Variants in SUV39H2 observed in about 807,000 individuals in gnomAD.
The protein encoded by SUV39H2 is SUV39H2 histone lysine methyltransferase.
Under a neutral mutation model 47.5 loss-of-function variants are expected in SUV39H2, and 10 were observed. The observed-to-expected ratio is 0.21, with a 90% CI of 0.13 to 0.36. The LOEUF (loss-of-function observed/expected upper bound fraction) is 0.36, where lower values mean the gene tolerates loss of function less well. Among genes scored for constraint, SUV39H2 ranks in the 10% least tolerant of loss-of-function variants. The probability of loss-of-function intolerance (pLI) is 1.00; values close to 1 mark genes in which losing one functional copy is unlikely to be tolerated. For synonymous variants in SUV39H2, 159 were observed against 166.8 expected, an observed-to-expected ratio of 0.95 and a Z score of 0.36; for missense variants, 266 against 487.4, an observed-to-expected ratio of 0.55 and a Z score of 4.28.
intron 2 of SUV39H2, 97 bp from the exon 3 acceptor site, chr10:14,896,749 G>T: frequency 1.0e-6 from 1 of 980,662 alleles, no homozygotes; most frequent in South Asian, 1.8e-5. Flanking sequence ...TAAGAAAAAT[G>T]GTATTGGATA....
intron 2 of SUV39H2, among the ~76,000 whole-genome samples, chr10:14,894,186 G>A (rs932857819): frequency 6.6e-6 from 1 of 151,594 alleles, no homozygotes; most frequent in Non-Finnish European, 1.5e-5. Context: ...GGCTTTAGTG[G>A]GGCTCAATTT....
Position 14,904,073 on chromosome 10 carries a change from G to A in SUV39H2, c.*1561G>A, listed in dbSNP as rs1162582697. On this transcript the variant is annotated 3_prime_UTR_variant, in exon 6 of 6. Transcript: ENST00000354919. ...TGATCCCAGCACTTTGGGAGGCTGA[G>A]GTAGGAGGATCACGTGAGGTCGGGA... The A allele has an allele frequency of 6.6e-6, 1 of 152,240 alleles. No individual in the cohort carries two copies. Among genetic ancestry groups the A allele is most frequent in the Non-Finnish European group, 1.5e-5 (1 of 68,080 alleles). The allele number at this position is 152,240 out of a possible 1,614,324, so 9.4% of individuals were successfully genotyped here. A position where few individuals can be genotyped will look rare whatever the true frequency, so the allele number is the denominator to read the frequency against.
At chr10:14,880,539 C>G (rs1833011780) in intron 1 of SUV39H2, among the ~76,000 whole-genome samples, 2 of 152,154 alleles carry the variant, frequency 1.3e-5, no homozygotes, top group African/African-American at 4.8e-5. Context: ...GCTCGGTGAC[C>G]GAGCGATGGG....
intron 2 of SUV39H2, among the ~76,000 whole-genome samples, chr10:14,893,991 A>G (rs1305347523): frequency 1.3e-5 from 2 of 152,244 alleles, no homozygotes; most frequent in African/African-American, 4.8e-5. Flanking sequence ...GCCAAAAAAA[A>G]GAAAAAGGAC....
intron 1 of SUV39H2, 160 bp downstream of exon 1, chr10:14,879,079 C>T (rs1408735769): frequency 7.8e-6 from 10 of 1,288,914 alleles, no homozygotes; most frequent in Non-Finnish European, 9.8e-6. Flanking sequence ...GCCTATCCTC[C>T]CCCAGGCCGC....
chr10:14,887,165 A>G (rs2131678469), intron 2 of SUV39H2, among the ~76,000 whole-genome samples: 1 of 152,324 alleles, frequency 6.6e-6, no homozygotes, highest in East Asian at 1.9e-4. Context: ...CTGTCATAGT[A>G]ACCAGACCAG....
In SUV39H2 at chr10:14,899,456, G is replaced by T. The variant is rs150887083; in HGVS notation, c.850-83G>T. 5,942 of 1,404,722 alleles carry T rather than the reference G, an allele frequency of 4.2e-3. 33 individuals are homozygous for T. The highest frequency in any genetic ancestry group is 4.8e-3 in the Non-Finnish European group (4,906 of 1,016,900). 87.0% of individuals were successfully genotyped at this position (1,404,722 alleles called of 1,614,324 possible). On this transcript the variant is annotated intron_variant, in intron 3 of 5. Coordinates refer to ENST00000354919, the MANE Select transcript of SUV39H2 (RefSeq NM_001193424.2). Reference sequence around the variant, plus strand: ...TTTCTTACTTTTTAAATATTTGTAGGTATTCGCATATTAGTAGATAGGTAG... The same window carrying T: ...TTTCTTACTTTTTAAATATTTGTAGTTATTCGCATATTAGTAGATAGGTAG...
intron 2 of SUV39H2, among the ~76,000 whole-genome samples, chr10:14,886,276 A>T (rs943182205): frequency 8.5e-5 from 13 of 152,194 alleles, no homozygotes; most frequent in African/African-American, 2.9e-4. Flanking sequence ...AATCCTACAC[A>T]GCCTGCACAG....
chr10:14,897,772 A>C (rs1418127177), intron 3 of SUV39H2: 1 of 260,882 alleles, frequency 3.8e-6, no homozygotes, highest in African/African-American at 2.2e-5. Context: ...CTACTAGTCA[A>C]ACCTAGGATT....
rs1834185308 is a variant in SUV39H2 at position 14,903,944 on chromosome 10, C to G, written c.*1432C>G. 6.6e-6 allele frequency: 1 copy of G among 152,170 alleles called. No homozygotes were observed. Among genetic ancestry groups the G allele is most frequent in the South Asian group, 2.1e-4 (1 of 4,830 alleles). The allele number at this position is 152,170 out of a possible 1,614,324, so 9.4% of individuals were successfully genotyped here. ...ATTATATTGCTATGACAACTTCACT[C>G]TTTCATAATATATAGGATAAATTGT... On this transcript the variant is annotated 3_prime_UTR_variant, in exon 6 of 6. Coordinates refer to ENST00000354919, the MANE Select transcript of SUV39H2 (RefSeq NM_001193424.2).
chr10:14,897,109 A>G lies in SUV39H2; in HGVS notation c.441A>G (p.Arg147=). 1 of 1,613,814 alleles carries G rather than the reference A, an allele frequency of 6.2e-7. No individual in the cohort carries two copies. The highest frequency in any genetic ancestry group is 8.5e-7 in the Non-Finnish European group (1 of 1,179,898). ...LQRWQDELNR[R]KNHKGMIFVE... is the part of the protein sequence containing the mutation. Reference sequence around the variant, plus strand: ...GATGGCAAGATGAACTCAACAGAAGAAAGAATCATAAAGGAATGATATTTG... The same window carrying G: ...GATGGCAAGATGAACTCAACAGAAGGAAGAATCATAAAGGAATGATATTTG... The change falls in exon 3 of 6, where the codon AGA becomes AGG. Residue 147 remains arginine (R), a synonymous_variant. Transcript: ENST00000354919.
At chr10:14,892,816 CTTT>C (rs543122499) in intron 2 of SUV39H2, among the ~76,000 whole-genome samples, 14 of 139,466 alleles carry the variant, frequency 1.0e-4, no homozygotes, top group Admixed American at 1.4e-4. Flanking sequence ...GGGGAAATGT[CTTT>C]TTTTTTTTTT....
intron 2 of SUV39H2, among the ~76,000 whole-genome samples, chr10:14,887,420 G>C (rs1243559891): frequency 6.6e-6 from 1 of 152,014 alleles, no homozygotes; most frequent in African/African-American, 2.4e-5. Context: ...TTGGGTTTGG[G>C]GACCCATTTC....
chr10:14,894,843 T>C (rs750676214), intron 2 of SUV39H2, among the ~76,000 whole-genome samples: 15 of 152,172 alleles, frequency 9.9e-5, no homozygotes, highest in African/African-American at 2.9e-4. Flanking sequence ...ATGGCAGATA[T>C]CACATGGCTT....
At chr10:14,880,033 G>C (rs1832997314) in intron 1 of SUV39H2, 1 of 151,306 alleles carries the variant, frequency 6.6e-6, no homozygotes, top group Non-Finnish European at 1.5e-5. Context: ...GAGTAGATAA[G>C]AGGAACCTCC....
rs1588872188 is a variant in SUV39H2, at chr10:14,903,947, T to C, written c.*1435T>C. On this transcript the variant is annotated 3_prime_UTR_variant, in exon 6 of 6. Transcript: ENST00000354919. ...ATATTGCTATGACAACTTCACTCTT[T>C]CATAATATATAGGATAAATTGTTTA... The C allele has an allele frequency of 6.6e-6, 1 of 152,208 alleles. No homozygotes were observed. The highest frequency in any genetic ancestry group is 6.5e-5 in the Admixed American group (1 of 15,284). The allele number at this position is 152,208 out of a possible 1,614,324, so 9.4% of individuals were successfully genotyped here.
intron 5 of SUV39H2, among the ~76,000 whole-genome samples, chr10:14,901,882 C>G (rs1222010031): frequency 6.6e-6 from 1 of 152,026 alleles, no homozygotes; most frequent in Non-Finnish European, 1.5e-5. Flanking sequence ...GATGTATATT[C>G]AAAAGATTGA....
chr10:14,883,243 A>G (rs895232393), intron 2 of SUV39H2, among the ~76,000 whole-genome samples: 1 of 152,140 alleles, frequency 6.6e-6, no homozygotes, highest in African/African-American at 2.4e-5. Context: ...CAGTAAACAC[A>G]TTCAGATCTT....
At chr10:14,883,311 G>T (rs1833099396) in intron 2 of SUV39H2, among the ~76,000 whole-genome samples, 1 of 152,138 alleles carries the variant, frequency 6.6e-6, no homozygotes, top group African/African-American at 2.4e-5. Flanking sequence ...AGTGTTTTCT[G>T]TCTTTTTCTA....
Sources: gnomAD v4.1 joint callset for allele counts (sites outside exome capture counted in the v4.1 genomes callset) on GRCh38, gnomAD v4.1.1 for gene constraint, MANE v1.5 for transcripts, NCBI Gene and HGNC (gene_info 2026-07-23, HGNC 2026-07-21) for gene names.